GLI3: variants seen among roughly 807,000 people sequenced by gnomAD.
The protein encoded by GLI3 is GLI family zinc finger 3.
GLI3 carries 20 observed loss-of-function variants against 100.8 expected under a neutral mutation model. That is an observed-to-expected ratio of 0.20 (90% CI 0.14 to 0.29). The LOEUF (loss-of-function observed/expected upper bound fraction) is 0.29. Among genes scored for constraint, GLI3 ranks in the 10% least tolerant of loss-of-function variants. The pLI is 1.00. For synonymous variants in GLI3, 938 were observed against 860.5 expected, an observed-to-expected ratio of 1.09 and a Z score of -1.58; for missense variants, 2,040 against 2,128.5, an observed-to-expected ratio of 0.96 and a Z score of 0.82.
intron 12 of GLI3, among the ~76,000 whole-genome samples, chr7:41,973,333 G>A (rs1337389589): frequency 6.6e-6 from 1 of 152,194 alleles, no homozygotes; most frequent in Non-Finnish European, 1.5e-5. Context: ...GCTGACGGAT[G>A]TTCTGGGGAC....
chr7:42,167,698 T>A (rs757029541), intron 2 of GLI3, among the ~76,000 whole-genome samples: 1 of 152,214 alleles, frequency 6.6e-6, no homozygotes, highest in Non-Finnish European at 1.5e-5. Context: ...TTCTCTTAAC[T>A]ATCAGCCTTT....
intron 11 of GLI3, 65 bp downstream of exon 11, chr7:41,978,534 T>C: frequency 6.6e-7 from 1 of 1,506,392 alleles, no homozygotes; most frequent in Non-Finnish European, 9.2e-7. Context: ...GTGTCATCAG[T>C]TTGCACAGCT....
intron 2 of GLI3, among the ~76,000 whole-genome samples, chr7:42,169,930 T>C (rs1349218453): frequency 6.6e-6 from 1 of 151,870 alleles, no homozygotes; most frequent in Non-Finnish European, 1.5e-5. Context: ...ACTTCTTATA[T>C]TTACTGTGTT....
In GLI3 at chr7:42,023,623, TG is replaced by T. The variant is rs1789011503; in HGVS notation, c.1357-16del. Reference sequence around the variant, plus strand: ...TCGGGCTGTTCCTGAAAGAAGAGGGTGGGGGGCAGGGAACAGAGAAGGGGGA... The same window carrying T: ...TCGGGCTGTTCCTGAAAGAAGAGGGTGGGGGCAGGGAACAGAGAAGGGGGA... On this transcript the variant is annotated splice_polypyrimidine_tract_variant and intron_variant, in intron 9 of 14. Coordinates refer to ENST00000395925, the MANE Select transcript of GLI3 (RefSeq NM_000168.6). 12 of 1,165,966 alleles carry T rather than the reference TG, an allele frequency of 1.0e-5. No homozygotes were observed. Among genetic ancestry groups the T allele is most frequent in the Non-Finnish European group, 1.4e-5 (12 of 875,406 alleles). 72.2% of individuals were successfully genotyped at this position (1,165,966 alleles called of 1,614,324 possible). A position where few individuals can be genotyped will look rare whatever the true frequency, so the allele number is the denominator to read the frequency against.
chr7:42,157,131 G>A (rs1458150967), intron 2 of GLI3, among the ~76,000 whole-genome samples: 1 of 152,178 alleles, frequency 6.6e-6, no homozygotes, highest in African/African-American at 2.4e-5. Context: ...CAGACAGCAA[G>A]GCTCACCTAC....
chr7:42,252,765 C>T (rs1257969779), intron 1 of GLI3, among the ~76,000 whole-genome samples: 1 of 151,960 alleles, frequency 6.6e-6, no homozygotes, highest in Admixed American at 6.6e-5. Flanking sequence ...AGCTTGCTTC[C>T]ACAAACATAA....
chr7:42,139,341 C>G (rs1759594381), intron 3 of GLI3, among the ~76,000 whole-genome samples: 1 of 152,108 alleles, frequency 6.6e-6, no homozygotes, highest in South Asian at 2.1e-4. Context: ...AGCAGCTCAG[C>G]AGTTGAGAAC....
chr7:42,137,966 A>T (rs1243202167), intron 3 of GLI3, among the ~76,000 whole-genome samples: 4 of 152,186 alleles, frequency 2.6e-5, no homozygotes, highest in East Asian at 1.9e-4. Flanking sequence ...AATCTAAAAC[A>T]CTTCTAGTCC....
In GLI3 at chr7:42,191,314, A is replaced by C. The variant is rs139849651; in HGVS notation, c.124+31816T>G. Among the ~76,000 whole-genome samples, 41 of 152,314 alleles carry C rather than the reference A, an allele frequency of 2.7e-4. No homozygotes were observed. The East Asian group carries it at 5.8e-3, about 22-fold the overall frequency. ...TTCACCAGCAATTACCAGTCAATAA[A>C]AATAGATAATAATAGCCGGCCGTGG... On this transcript the variant is annotated intron_variant, in intron 2 of 14. Coordinates refer to ENST00000395925, the MANE Select transcript of GLI3 (RefSeq NM_000168.6).
intron 3 of GLI3, among the ~76,000 whole-genome samples, chr7:42,139,791 C>T (rs1252691119): frequency 1.3e-5 from 2 of 152,188 alleles, no homozygotes; most frequent in Non-Finnish European, 2.9e-5. Context: ...CTGTGACCTG[C>T]GATGGAGTCG....
chr7:42,257,865 T>C (rs912319811), intron 1 of GLI3, among the ~76,000 whole-genome samples: 1 of 152,232 alleles, frequency 6.6e-6, no homozygotes, highest in African/African-American at 2.4e-5. Context: ...TTGCTTTTTG[T>C]ATATTAAGCA....
chr7:42,262,209 T>TTCCTTCCCTCCTTACTTCCTTCC (rs1186292634), intron 1 of GLI3, among the ~76,000 whole-genome samples: 1 of 110,842 alleles, frequency 9.0e-6, no homozygotes, highest in Non-Finnish European at 1.8e-5. Flanking sequence ...TCCTTCCTTC[T>TTCCTTCCCTCCTTACTTCCTTCC]TTCCTTCCTT....
rs1489961040 is a variant in GLI3, at chr7:41,965,543, A to G, written c.3530T>C (p.Leu1177Pro). 1 of 1,605,176 alleles carries G rather than the reference A, an allele frequency of 6.2e-7. No homozygotes were observed. The highest frequency in any genetic ancestry group is 8.5e-7 in the Non-Finnish European group (1 of 1,173,044). Residue 1177 changes from leucine (L) to proline (P), a missense_variant, in exon 15 of 15, where the codon CTC becomes CCC. Coordinates refer to ENST00000395925, the MANE Select transcript of GLI3 (RefSeq NM_000168.6). ...SGSADLSSSK[L>P]KCGPRPAVPQ... ...CACAGCGGGCCGCGGCCCACACTTG[A>G]GCTTGGAGGAGGACAGGTCGGCGCT...
At chr7:41,979,698 T>C (rs559082957) in intron 10 of GLI3, among the ~76,000 whole-genome samples, 1 of 152,352 alleles carries the variant, frequency 6.6e-6, no homozygotes, top group East Asian at 1.9e-4. Flanking sequence ...CCTAGGTTGA[T>C]GCTGTTGGTC....
rs994768275 is a variant in GLI3, at chr7:42,080,044, G to C, written c.368-3187C>G. ...CAAGTATAAAATTATCTTCCTCAAG[G>C]AAAACCTACAATGCTATCAAGGACA... On this transcript the variant is annotated intron_variant, in intron 3 of 14. Transcript: ENST00000395925. Among the ~76,000 whole-genome samples the C allele has an allele frequency of 5.3e-5, 8 of 152,092 alleles. No homozygotes were observed. The East Asian group carries it at 1.5e-3, about 29-fold the overall frequency.
chr7:42,231,463 T>C (rs555882945), intron 1 of GLI3, among the ~76,000 whole-genome samples: 43 of 152,246 alleles, frequency 2.8e-4, no homozygotes, highest in Non-Finnish European at 5.7e-4. Context: ...CTTATTTTTC[T>C]GCCTTGCATG....
chr7:42,064,586 C>T (rs1784637119), intron 4 of GLI3, among the ~76,000 whole-genome samples: 1 of 152,150 alleles, frequency 6.6e-6, no homozygotes, highest in African/African-American at 2.4e-5. Context: ...ATAGCATTGT[C>T]ATGGGTGAAT....
At chr7:42,040,597 G>A (rs1784116617) in intron 6 of GLI3, among the ~76,000 whole-genome samples, 2 of 152,078 alleles carry the variant, frequency 1.3e-5, no homozygotes, top group South Asian at 4.1e-4. Flanking sequence ...CAAAGACAGT[G>A]GTTCCCACAA....
chr7:42,077,523 C>T (rs1369270678), intron 3 of GLI3, among the ~76,000 whole-genome samples: 2 of 152,066 alleles, frequency 1.3e-5, no homozygotes, highest in African/African-American at 2.4e-5. Flanking sequence ...CTCAGACTCA[C>T]AGACATCTAG....
Sources: gnomAD v4.1 joint callset for allele counts (sites outside exome capture counted in the v4.1 genomes callset) on GRCh38, gnomAD v4.1.1 for gene constraint, MANE v1.5 for transcripts, NCBI Gene and HGNC (gene_info 2026-07-23, HGNC 2026-07-21) for gene names.